The following FXR2 variants were observed in gnomAD, a reference collection of about 807,000 sequenced individuals.
FXR2 encodes the protein RNA-binding protein FXR2.
FXR2 carries 9 observed loss-of-function variants against 87.3 expected under a neutral mutation model. The ratio of observed to expected loss-of-function variants is 0.10; its 90% CI spans 0.06 to 0.18. The LOEUF is 0.18. Among genes scored for constraint, FXR2 ranks in the 10% least tolerant of loss-of-function variants. The pLI is 1.00. For synonymous variants in FXR2, 331 were observed against 328.3 expected (o/e 1.01, Z -0.09); for missense variants, 661 against 893.6 (o/e 0.74, Z 3.32).
chr17:7,613,526 C>T (rs2071895416), intron 1 of FXR2, among the ~76,000 whole-genome samples: 3 of 152,130 alleles, frequency 2.0e-5, no homozygotes, highest in African/African-American at 7.2e-5. Flanking sequence ...AAGGAAGGGT[C>T]TTTGAAAGAT....
chr17:7,604,212 G>A, intron 3 of FXR2, 132 bp from the exon 4 acceptor site: 3 of 684,564 alleles, frequency 4.4e-6, no homozygotes, highest in South Asian at 1.7e-5. Context: ...CAAAAGGACT[G>A]CTTATGCCCA....
At chr17:7,602,135 G>T (rs1377828477) in intron 6 of FXR2, among the ~76,000 whole-genome samples, 1 of 150,996 alleles carries the variant, frequency 6.6e-6, no homozygotes, top group Non-Finnish European at 1.5e-5. Context: ...AAAAAAAAAG[G>T]GTCAGAGGCC....
Position 7,605,673 on chromosome 17 carries a change from T to C in FXR2, c.200A>G (p.Lys67Arg). The C allele has an allele frequency of 6.3e-7, 1 of 1,585,316 alleles. No individual in the cohort carries two copies. The highest frequency in any genetic ancestry group is 8.7e-7 in the Non-Finnish European group (1 of 1,154,690). ...CACTTCATCCCCTTCTGTGATCTCC[T>C]TATTATAGTCAGCTGGAGGTGGTAG... ...VRLPPPADYN[K>R]EITEGDEVEV... is the part of the protein sequence containing the mutation. Residue 67 changes from lysine (K) to arginine (R), a missense_variant, in exon 3 of 17, where the codon AAG (lysine) becomes AGG (arginine). This residue lies in a region of FXR2 where 170 missense variants were observed against 247.2 expected (regional missense o/e 0.69). Coordinates refer to ENST00000250113, the MANE Select transcript of FXR2 (RefSeq NM_004860.4).
chr17:7,595,636 T>C lies in FXR2; in HGVS notation c.831+188A>G, dbSNP rs570186346. 1.9e-4 allele frequency among the ~76,000 whole-genome samples: 29 copies of C among 152,152 alleles called. No homozygotes were observed. Among genetic ancestry groups the C allele is most frequent in the Admixed American group, 1.8e-3 (28 of 15,274 alleles). ...GCTAATTTTTAAATTTTTGTAGAGA[T>C]TGGGTCTCACTATGTTGCACAGGCT... is the stretch of plus-strand genomic sequence containing the variant. On this transcript the variant is annotated intron_variant, in intron 8 of 16. Coordinates refer to ENST00000250113, the MANE Select transcript of FXR2 (RefSeq NM_004860.4). The surrounding 1 kb of genome is among the most constrained non-coding windows in gnomAD (Gnocchi z 4.7).
Position 7,591,790 on chromosome 17 carries a change from G to A in FXR2, c.*40C>T. On this transcript the variant is annotated 3_prime_UTR_variant, in exon 17 of 17. Coordinates refer to ENST00000250113, the MANE Select transcript of FXR2 (RefSeq NM_004860.4). The surrounding 1 kb of genome is among the most constrained non-coding windows in gnomAD (Gnocchi z 4.0). ...CCTGTGAGGGCCATGGTGTTGGGCA[G>A]CAAGCGAGATGGAGAAGGGAGGGGT... 9.4e-7 allele frequency: 1 copy of A among 1,064,916 alleles called. No individual in the cohort carries two copies. The highest frequency in any genetic ancestry group is 1.5e-6 in the Non-Finnish European group (1 of 680,902). 66.0% of individuals were successfully genotyped at this position (1,064,916 alleles called of 1,614,324 possible). A position where few individuals can be genotyped will look rare whatever the true frequency, so the allele number is the denominator to read the frequency against.
rs373560232 is a variant in FXR2 at position 7,603,184 on chromosome 17, T to TA, written c.450-183dup. On this transcript the variant is annotated intron_variant, in intron 5 of 16. Transcript: ENST00000250113. ...CAACATAGTGAGACCCTGTCTCTAT[T>TA]AAAAAAAAAAAAAAAAATTCAGAGA... is the stretch of plus-strand genomic sequence containing the variant. 4.7e-3 allele frequency among the ~76,000 whole-genome samples: 631 copies of TA among 135,610 alleles called. 3 individuals are homozygous for TA. Among genetic ancestry groups the TA allele is most frequent in the East Asian group, 5.9e-3 (28 of 4,736 alleles). 89.0% of individuals were successfully genotyped at this position (135,610 alleles called of 152,430 possible).
intron 7 of FXR2, chr17:7,596,213 A>C: frequency 2.2e-6 from 1 of 450,828 alleles, no homozygotes; most frequent in Non-Finnish European, 4.0e-6. Flanking sequence ...GCTGGAGTGC[A>C]GTGGCGCGAT....
At chr17:7,601,932 A>G (rs1023669150) in intron 6 of FXR2, among the ~76,000 whole-genome samples, 1 of 152,138 alleles carries the variant, frequency 6.6e-6, no homozygotes, top group African/African-American at 2.4e-5. Context: ...TTTTCAAAAA[A>G]AAAAGAAATG....
intron 7 of FXR2, among the ~76,000 whole-genome samples, chr17:7,599,135 CA>C (rs35150877): frequency 0.47 from 61,966 of 131,658 alleles, 14,872 homozygotes; most frequent in South Asian, 0.64. Flanking sequence ...AAACTGTCTC[CA>C]AAAAAAAAAA....
intron 3 of FXR2, among the ~76,000 whole-genome samples, chr17:7,604,380 C>T (rs780969580): frequency 6.6e-6 from 1 of 151,962 alleles, no homozygotes; most frequent in Non-Finnish European, 1.5e-5. Context: ...ATCTGGGCAA[C>T]ACAGTGAGAC....
At position 7,593,475 on chromosome 17, in the gene FXR2, G is replaced by T; in HGVS notation, c.1258C>A (p.His420Asn). The T allele has an allele frequency of 6.3e-7, 1 of 1,588,468 alleles. No homozygotes were observed. The change falls in exon 12 of 17, where the codon CAT becomes AAT. Residue 420 changes from histidine (H) to asparagine (N), a missense_variant. Physicochemically the swap from His to Asn is moderately conservative, Grantham distance 68 (BLOSUM62 1). This residue lies in a region of FXR2 where 409 missense variants were observed against 432.0 expected (regional missense o/e 0.95). Transcript: ENST00000250113. The surrounding 1 kb of genome is among the most constrained non-coding windows in gnomAD (Gnocchi z 6.1). Reference sequence around the variant, plus strand: ...CTGCCCCCATAGGTTCGAGTCGCATGGAGGGAGGAGGAGGAGCTCTCATCA... The same window carrying T: ...CTGCCCCCATAGGTTCGAGTCGCATTGAGGGAGGAGGAGGAGCTCTCATCA... ...STDESSSSSL[H>N]ATRTYGGSYG...
At position 7,593,220 on chromosome 17, in the gene FXR2, C is replaced by T; in HGVS notation, c.1331-39G>A. 1 of 1,439,116 alleles carries T rather than the reference C, an allele frequency of 6.9e-7. No homozygotes were observed. Among genetic ancestry groups the T allele is most frequent in the Non-Finnish European group, 9.3e-7 (1 of 1,074,324 alleles). 89.1% of individuals were successfully genotyped at this position (1,439,116 alleles called of 1,614,324 possible). On this transcript the variant is annotated intron_variant, in intron 12 of 16. Transcript: ENST00000250113. The surrounding 1 kb of genome is among the most constrained non-coding windows in gnomAD (Gnocchi z 6.1). ...TGGGATTTATTCACGGCCATTCATCCCACCTCAGGATCCATCACATCCCCC... is the reference window on the plus strand; with the variant it reads ...TGGGATTTATTCACGGCCATTCATCTCACCTCAGGATCCATCACATCCCCC...
chr17:7,608,549 T>TA (rs554053855), intron 1 of FXR2, among the ~76,000 whole-genome samples: 2 of 150,372 alleles, frequency 1.3e-5, no homozygotes, highest in African/African-American at 4.9e-5. Flanking sequence ...AGCCAGGAGT[T>TA]AGAGACTGCA....
intron 7 of FXR2, among the ~76,000 whole-genome samples, chr17:7,600,475 G>A (rs1229711283): frequency 6.6e-6 from 1 of 152,208 alleles, no homozygotes; most frequent in Non-Finnish European, 1.5e-5. Context: ...TTAAAGGCGT[G>A]AGCCACCGCG....
intron 6 of FXR2, 51 bp from the exon 7 acceptor site, chr17:7,601,576 T>A: frequency 9.4e-7 from 1 of 1,062,196 alleles, no homozygotes; most frequent in Non-Finnish European, 1.5e-6. Context: ...GAATAAACAC[T>A]AAGGGAGAGC....
At chr17:7,601,672 C>A (rs144514975) in intron 6 of FXR2, 147 bp from the exon 7 acceptor site, 2 of 578,046 alleles carry the variant, frequency 3.5e-6, no homozygotes, top group African/African-American at 1.9e-5. Flanking sequence ...CTCATGCCTG[C>A]AATCCCAGGA....
intron 1 of FXR2, chr17:7,614,012 G>A (rs1164368014): frequency 2.2e-6 from 1 of 457,460 alleles, no homozygotes; most frequent in African/African-American, 2.0e-5. Flanking sequence ...AAGATGAAAG[G>A]ATCTTTTACG....
At chr17:7,609,446 C>T (rs2071831246) in intron 1 of FXR2, among the ~76,000 whole-genome samples, 1 of 152,204 alleles carries the variant, frequency 6.6e-6, no homozygotes, top group Non-Finnish European at 1.5e-5. Flanking sequence ...AGCCTTACTA[C>T]TGCCCAAGGC....
At position 7,592,558 on chromosome 17, in the gene FXR2, G is replaced by A. The variant is rs1248117493; in HGVS notation, c.1771C>T (p.Arg591Cys). 6 of 1,613,916 alleles carry A rather than the reference G, an allele frequency of 3.7e-6. No homozygotes were observed. The highest frequency in any genetic ancestry group is 5.1e-6 in the Non-Finnish European group (6 of 1,179,852). The change falls in exon 15 of 17, where the codon CGC becomes TGC. Residue 591 changes from arginine (R) to cysteine (C), a missense_variant. By Grantham distance (180) the Arg-to-Cys change is radical (BLOSUM62 -3). Around this residue, in one of 3 missense-constraint regions of FXR2, gnomAD observed 409 missense variants for 432.0 expected, o/e 0.95. Coordinates refer to ENST00000250113, the MANE Select transcript of FXR2 (RefSeq NM_004860.4). This position sits in a 1 kb window ranked among gnomAD's most constrained non-coding sequence, Gnocchi z 4.8. ...TCAGTCCGATTACCACGGTTACGGCGGCGGCGGCTGCGATTACGACGTTGA... is the reference window on the plus strand; with the variant it reads ...TCAGTCCGATTACCACGGTTACGGCAGCGGCGGCTGCGATTACGACGTTGA... Reference protein sequence around the residue: ...RPQRRNRSRRRRNRGNRTDGS... With the variant: ...RPQRRNRSRRCRNRGNRTDGS...
Sources: allele counts gnomAD v4.1 joint callset (sites outside exome capture counted in the v4.1 genomes callset), GRCh38; gene constraint gnomAD v4.1.1; regional missense constraint gnomAD v4.1.1; non-coding constraint Gnocchi (gnomAD v3.1); transcripts MANE v1.5; gene names NCBI Gene and HGNC (gene_info 2026-07-23, HGNC 2026-07-21).